CDH12: variants seen among roughly 807,000 people sequenced by gnomAD.
The protein encoded by CDH12 is cadherin-12.
Under a neutral mutation model 74.1 loss-of-function variants are expected in CDH12, and 41 were observed. The ratio of observed to expected loss-of-function variants is 0.55; its 90% CI spans 0.43 to 0.72. The LOEUF (loss-of-function observed/expected upper bound fraction) is 0.72, where lower values mean the gene tolerates loss of function less well. CDH12 is among the 30% of genes least tolerant of loss of function. The probability of loss-of-function intolerance (pLI) is 0.00; values close to 1 mark genes in which losing one functional copy is unlikely to be tolerated. For synonymous variants in CDH12, 399 were observed against 355.0 expected (o/e 1.12, Z -1.39); for missense variants, 945 against 977.2 (o/e 0.97, Z 0.44).
rs1554060459 is a variant in CDH12 at position 22,705,499 on chromosome 5, G to GCGCACACA, written c.-523+147558_-523+147559insTGTGTGCG. On this transcript the variant is annotated intron_variant, in intron 1 of 14. Transcript: ENST00000382254. ...GTTTCATTAAGAAATCAACACACAT[G>GCGCACACA]CACACACACACACACACACACACAC... Among the ~76,000 whole-genome samples the GCGCACACA allele has an allele frequency of 7.7e-5, 11 of 143,604 alleles. No homozygotes were observed. In the East Asian group the frequency reaches 1.5e-3, roughly 19 times the overall value. The allele number at this position is 143,604 out of a possible 152,430, so 94.2% of individuals were successfully genotyped here. A position where few individuals can be genotyped will look rare whatever the true frequency, so the allele number is the denominator to read the frequency against.
intron 5 of CDH12, among the ~76,000 whole-genome samples, chr5:21,997,741 A>T (rs1382977631): frequency 6.6e-6 from 1 of 152,148 alleles, no homozygotes; most frequent in Non-Finnish European, 1.5e-5. Flanking sequence ...AAAATGTCAA[A>T]TAATATGCAT....
At chr5:22,509,592 G>C (rs1350286494) in intron 1 of CDH12, among the ~76,000 whole-genome samples, 1 of 152,132 alleles carries the variant, frequency 6.6e-6, no homozygotes, top group Non-Finnish European at 1.5e-5. Context: ...AATTACCAAC[G>C]TTGTTAATGA....
chr5:21,781,195 C>A (rs1463346152), intron 11 of CDH12, among the ~76,000 whole-genome samples: 4 of 152,074 alleles, frequency 2.6e-5, no homozygotes, highest in Admixed American at 6.6e-5. Flanking sequence ...CAGCTGGACA[C>A]AGGAGAAAGG....
At chr5:22,574,073 C>CTTTTTTTT (rs543910610) in intron 1 of CDH12, among the ~76,000 whole-genome samples, 56 of 87,454 alleles carry the variant, frequency 6.4e-4, no homozygotes, top group Non-Finnish European at 8.4e-4. Flanking sequence ...GTCTCTCTCT[C>CTTTTTTTT]TTTTTTTTTT....
At chr5:22,240,171 G>C (rs988749946) in intron 3 of CDH12, among the ~76,000 whole-genome samples, 3 of 152,066 alleles carry the variant, frequency 2.0e-5, no homozygotes, top group Non-Finnish European at 2.9e-5. Flanking sequence ...GCAATACTTA[G>C]ATGCTTATGA....
intron 5 of CDH12, among the ~76,000 whole-genome samples, chr5:22,073,059 T>C (rs990506138): frequency 2.6e-5 from 4 of 152,080 alleles, no homozygotes; most frequent in African/African-American, 7.2e-5. Context: ...TGTAAAGCAA[T>C]TAAAATTGTG....
chr5:22,831,888 C>T (rs763507554), intron 1 of CDH12, among the ~76,000 whole-genome samples: 1 of 151,998 alleles, frequency 6.6e-6, no homozygotes, highest in Non-Finnish European at 1.5e-5. Context: ...CAAAGCAAGA[C>T]TCTGTCCCCC....
At chr5:22,789,255 G>T (rs1032923753) in intron 1 of CDH12, among the ~76,000 whole-genome samples, 5 of 151,990 alleles carry the variant, frequency 3.3e-5, no homozygotes, top group African/African-American at 1.2e-4. Context: ...TGTCAAGATG[G>T]ATTTTTCCAC....
intron 6 of CDH12, among the ~76,000 whole-genome samples, chr5:21,890,965 C>T (rs1316460596): frequency 6.6e-6 from 1 of 151,942 alleles, no homozygotes; most frequent in Non-Finnish European, 1.5e-5. Flanking sequence ...TCAACGTTAT[C>T]CAAAGTATAT....
chr5:22,606,342 G>A (rs1293949546), intron 1 of CDH12, among the ~76,000 whole-genome samples: 1 of 152,086 alleles, frequency 6.6e-6, no homozygotes, highest in Non-Finnish European at 1.5e-5. Context: ...TGCTTTCTAG[G>A]ATGTAGCCAC....
intron 1 of CDH12, among the ~76,000 whole-genome samples, chr5:22,661,421 T>C (rs1056460278): frequency 1.3e-4 from 20 of 152,206 alleles, no homozygotes; most frequent in Middle Eastern, 3.2e-3. Context: ...GCAGACGTTT[T>C]AGAAAATTCT....
At chr5:22,646,243 C>T (rs1377775515) in intron 1 of CDH12, among the ~76,000 whole-genome samples, 1 of 151,834 alleles carries the variant, frequency 6.6e-6, no homozygotes, top group Non-Finnish European at 1.5e-5. Flanking sequence ...ACCCCTCCTT[C>T]TTGACTTTTC....
chr5:22,792,494 T>C (rs1184429491), intron 1 of CDH12, among the ~76,000 whole-genome samples: 1 of 152,214 alleles, frequency 6.6e-6, no homozygotes, highest in Non-Finnish European at 1.5e-5. Context: ...GTTTTAGTTT[T>C]TGTTGCAGTT....
At position 22,278,894 on chromosome 5, in the gene CDH12, C is replaced by A. The variant is rs568011893; in HGVS notation, c.-332-66251G>T. On this transcript the variant is annotated intron_variant, in intron 3 of 14. Transcript: ENST00000382254. ...ATAAATCTTCAAATATCATTCAAAT[C>A]TCTTTGGATGAATTCACAAGGTCTT... 2.0e-5 allele frequency among the ~76,000 whole-genome samples: 3 copies of A among 152,240 alleles called. No homozygotes were observed. In the East Asian group the frequency reaches 5.8e-4, roughly 29 times the overall value.
At chr5:22,004,362 T>C (rs1184288714) in intron 5 of CDH12, among the ~76,000 whole-genome samples, 1 of 152,180 alleles carries the variant, frequency 6.6e-6, no homozygotes, top group Admixed American at 6.5e-5. Flanking sequence ...TGTACATTGT[T>C]AGCAATAGGA....
intron 6 of CDH12, among the ~76,000 whole-genome samples, chr5:21,940,858 T>TCA (rs964595816): frequency 2.4e-4 from 36 of 150,676 alleles, no homozygotes; most frequent in Middle Eastern, 6.9e-3. Flanking sequence ...TCTCTCTCTC[T>TCA]CACACACACA....
chr5:22,380,007 C>T (rs1177139288), intron 3 of CDH12, among the ~76,000 whole-genome samples: 3 of 152,180 alleles, frequency 2.0e-5, no homozygotes, highest in Non-Finnish European at 4.4e-5. Context: ...AATCCTCCTG[C>T]CTTGGCCTCC....
intron 1 of CDH12, among the ~76,000 whole-genome samples, chr5:22,643,255 C>G (rs1296128830): frequency 6.6e-6 from 1 of 152,054 alleles, no homozygotes; most frequent in Non-Finnish European, 1.5e-5. Context: ...ATTGTTTGCT[C>G]TGGGTAGTCA....
At chr5:21,968,055 T>G (rs1355640404) in intron 6 of CDH12, among the ~76,000 whole-genome samples, 1 of 152,178 alleles carries the variant, frequency 6.6e-6, no homozygotes, top group Non-Finnish European at 1.5e-5. Flanking sequence ...TGTTTTTAAA[T>G]AAACTTGGTT....
Sources: gnomAD v4.1 joint callset for allele counts (sites outside exome capture counted in the v4.1 genomes callset) on GRCh38, gnomAD v4.1.1 for gene constraint, MANE v1.5 for transcripts, NCBI Gene and HGNC (gene_info 2026-07-23, HGNC 2026-07-21) for gene names.